The following RRP12 variants were observed in gnomAD, a reference collection of about 807,000 sequenced individuals.
The protein encoded by RRP12 is RRP12-like protein.
Under a neutral mutation model 157.3 loss-of-function variants are expected in RRP12, and 78 were observed. The ratio of observed to expected loss-of-function variants is 0.50; its 90% CI spans 0.41 to 0.60. The LOEUF is 0.60. Among genes scored for constraint, RRP12 ranks in the 20% least tolerant of loss-of-function variants. The pLI is 0.00. For missense variants in RRP12, 1,521 were observed against 1,679.9 expected, an observed-to-expected ratio of 0.91 and a Z score of 1.65; for synonymous variants, 726 against 670.9, an observed-to-expected ratio of 1.08 and a Z score of -1.27.
intron 15 of RRP12, among the ~76,000 whole-genome samples, chr10:97,376,926 C>G (rs1405028148): frequency 6.7e-6 from 1 of 149,888 alleles, no homozygotes; most frequent in Middle Eastern, 3.2e-3. Context: ...GTTGCCCAGG[C>G]TGGAGTGAAG....
intron 10 of RRP12, among the ~76,000 whole-genome samples, chr10:97,382,183 TAAC>T (rs939920507): frequency 2.3e-5 from 3 of 128,996 alleles, no homozygotes; most frequent in African/African-American, 9.6e-5. Context: ...TAACTTCTGC[TAAC>T]TTTTTTTTTT....
At chr10:97,365,607 T>G in intron 29 of RRP12, among the ~76,000 whole-genome samples, 2 of 151,514 alleles carry the variant, frequency 1.3e-5, no homozygotes, top group East Asian at 1.9e-4. Context: ...TGGCTGGATA[T>G]GTGGAGAGGG....
At chr10:97,401,362 T>C (rs752646021), upstream of RRP12, 2 of 1,181,924 alleles carry the variant, frequency 1.7e-6, no homozygotes, top group Non-Finnish European at 2.4e-6. Context: ...CGGATTCGTG[T>C]GCATTACTAT....
At chr10:97,387,194 T>C (rs1489831318) in intron 8 of RRP12, among the ~76,000 whole-genome samples, 2 of 152,132 alleles carry the variant, frequency 1.3e-5, no homozygotes, top group Non-Finnish European at 2.9e-5. Flanking sequence ...ATATAAATGC[T>C]ATGTAAATAG....
rs762434583 is a variant in RRP12, at chr10:97,366,890, G to A, written c.3067C>T (p.Leu1023=). 30 of 1,613,708 alleles carry A rather than the reference G, an allele frequency of 1.9e-5. No individual in the cohort carries two copies. The highest frequency in any genetic ancestry group is 2.4e-5 in the Non-Finnish European group (28 of 1,179,866). The part of the protein sequence containing the change: ...RKFGFELVKR[L]LPEEYHRVLV... ...ACTCTGTGGTACTCCTCGGGCAACA[G>A]CCTTTTCACCAGCTCAAATCTGGAG... is the stretch of plus-strand genomic sequence containing the variant. Residue 1023 remains leucine, a synonymous_variant, in exon 27 of 34, where the codon CTG becomes TTG. Transcript: ENST00000370992.
At chr10:97,399,251 CAA>C (rs949722076) in intron 2 of RRP12, among the ~76,000 whole-genome samples, 19 of 152,188 alleles carry the variant, frequency 1.2e-4, no homozygotes, top group Non-Finnish European at 2.2e-4. Flanking sequence ...CTAGCCTGGA[CAA>C]CAAGAGCGAA....
At chr10:97,376,971 C>G (rs1052922847) in intron 15 of RRP12, among the ~76,000 whole-genome samples, 2 of 151,772 alleles carry the variant, frequency 1.3e-5, no homozygotes, top group South Asian at 2.1e-4. Context: ...CCTCCGCCCC[C>G]CAGAGTCCAA....
chr10:97,393,709 A>G lies in RRP12; in HGVS notation c.505T>C (p.Tyr169His). The G allele has an allele frequency of 1.2e-6, 2 of 1,614,100 alleles. No homozygotes were observed. Among genetic ancestry groups the G allele is most frequent in the Non-Finnish European group, 1.7e-6 (2 of 1,179,996 alleles). ...CGCTTCAGGACAAGGTTCAGCAGGT[A>G]AGCAACGGCGGCCAGGGACTCCGGG... ...ESPESLAAVA[Y>H]LLNLVLKRVP... is the part of the protein sequence containing the mutation. Residue 169 changes from tyrosine to histidine, a missense_variant, in exon 4 of 34, where the codon TAC becomes CAC. Physicochemically the swap from Tyr to His is moderately conservative, Grantham distance 83 (BLOSUM62 2). Transcript: ENST00000370992.
Position 97,367,429 on chromosome 10 carries a change from C to A in RRP12, c.2956-297G>T, listed in dbSNP as rs145243220. The A allele has an allele frequency of 2.1e-3, 951 of 447,382 alleles. 6 individuals are homozygous for A. In the Middle Eastern group the frequency reaches 0.024, roughly 11 times the overall value. The allele number at this position is 447,382 out of a possible 1,614,324, so 27.7% of individuals were successfully genotyped here. On this transcript the variant is annotated intron_variant, in intron 25 of 33. Transcript: ENST00000370992. ...ATCCTCTCCTTGAATCCTTGGACTA[C>A]CCCTGAGATACATGCTATCACCCCC... is the stretch of plus-strand genomic sequence containing the variant.
rs1277775585 is a variant in RRP12, at chr10:97,366,137, T to G, written c.3488A>C (p.Asn1163Thr). The G allele has an allele frequency of 4.4e-6, 7 of 1,605,766 alleles. No individual in the cohort carries two copies. Among genetic ancestry groups the G allele is most frequent in the Non-Finnish European group, 5.9e-6 (7 of 1,179,844 alleles). The change falls in exon 29 of 34, where the codon AAC becomes ACC. Residue 1163 changes from asparagine to threonine, a missense_variant. Asn to Thr is a moderately conservative substitution (Grantham distance 65, BLOSUM62 0). Transcript: ENST00000370992. ...RLIIREEADG[N>T]KMEEEEGAKG... is the part of the protein sequence containing the mutation. ...GGCACCTTCCTCTTCCTCCATCTTG[T>G]TGCCGTCTGCCTCCTCCCTTATGAT...
At chr10:97,381,322 G>A (rs568363685) in intron 12 of RRP12, 64 bp downstream of exon 12, 14 of 1,191,122 alleles carry the variant, frequency 1.2e-5, no homozygotes, top group Admixed American at 6.9e-5. Flanking sequence ...TGGAGCATTC[G>A]TATTATATAG....
At chr10:97,395,207 T>TACACACACACAC (rs1554882670) in intron 3 of RRP12, among the ~76,000 whole-genome samples, 23 of 149,970 alleles carry the variant, frequency 1.5e-4, no homozygotes, top group African/African-American at 4.4e-4. Context: ...TATACACATA[T>TACACACACACAC]ACACACACAC....
At chr10:97,372,192 A>G in intron 19 of RRP12, 26 bp from the exon 20 acceptor site, 1 of 1,586,682 alleles carries the variant, frequency 6.3e-7, no homozygotes, top group Non-Finnish European at 8.6e-7. Flanking sequence ...GGACAAGGAG[A>G]GGGATGGGGA....
At position 97,358,490 on chromosome 10, in the gene RRP12, T is replaced by A. The variant is rs764284070; in HGVS notation, c.3791+47A>T. ...TTCTTTAGAGCACTCTGCTCCCTCATCCCCACCCATCCTCCAGCCCCCAGC... is the reference window on the plus strand; with the variant it reads ...TTCTTTAGAGCACTCTGCTCCCTCAACCCCACCCATCCTCCAGCCCCCAGC... On this transcript the variant is annotated intron_variant, in intron 33 of 33. Transcript: ENST00000370992. 2.8e-6 allele frequency: 4 copies of A among 1,410,924 alleles called. No individual in the cohort carries two copies. In the Admixed American group the frequency reaches 6.7e-5, roughly 24 times the overall value. The allele number at this position is 1,410,924 out of a possible 1,614,324, so 87.4% of individuals were successfully genotyped here. A position where few individuals can be genotyped will look rare whatever the true frequency, so the allele number is the denominator to read the frequency against.
chr10:97,401,111 A>G lies in RRP12; in HGVS notation c.121T>C (p.Phe41Leu), dbSNP rs1198966604. ...CAGCTACCTGACGGCCGGCTGAAGA[A>G]GCGGCTGCGGGCGGCCTGACGGTGG... ...CRHRQAARSRFFSRPSGRSDL... is the reference protein window; with the variant it reads ...CRHRQAARSRLFSRPSGRSDL... Residue 41 changes from phenylalanine to leucine, a missense_variant, in exon 1 of 34, where the codon TTC (phenylalanine) becomes CTC (leucine). Physicochemically the swap from Phe to Leu is conservative, Grantham distance 22. Transcript: ENST00000370992. 13 of 1,613,666 alleles carry G rather than the reference A, an allele frequency of 8.1e-6. No homozygotes were observed. In the South Asian group the frequency reaches 1.3e-4, roughly 16 times the overall value.
intron 3 of RRP12, among the ~76,000 whole-genome samples, chr10:97,394,751 T>C (rs1844907891): frequency 6.6e-6 from 1 of 152,242 alleles, no homozygotes; most frequent in South Asian, 2.1e-4. Context: ...GGCAAACTTT[T>C]TCTACGAAGG....
In RRP12 at chr10:97,366,107, C is replaced by T; in HGVS notation, c.3517+1G>A. On this transcript the variant is annotated splice_donor_variant, in intron 29 of 33. Coordinates refer to ENST00000370992, the MANE Select transcript of RRP12 (RefSeq NM_015179.4). LOFTEE classifies it high-confidence loss of function. ...TGAATGGACAAGCGCGTTGGGCCCA[C>T]CTTTGGCACCTTCCTCTTCCTCCAT... 1 of 1,602,326 alleles carries T rather than the reference C, an allele frequency of 6.2e-7. No homozygotes were observed.
intron 20 of RRP12, chr10:97,371,395 G>A: frequency 2.7e-6 from 1 of 375,306 alleles, no homozygotes; most frequent in East Asian, 4.7e-5. Flanking sequence ...TCTAGCCGGA[G>A]CACTCTTCTC....
intron 15 of RRP12, among the ~76,000 whole-genome samples, chr10:97,378,693 C>A (rs1844377471): frequency 6.6e-6 from 1 of 152,008 alleles, no homozygotes; most frequent in Admixed American, 6.6e-5. Flanking sequence ...CCTGTCGCTA[C>A]TAAAAATACA....
Sources: gnomAD v4.1 joint callset for allele counts (sites outside exome capture counted in the v4.1 genomes callset) on GRCh38, gnomAD v4.1.1 for gene constraint, MANE v1.5 for transcripts, NCBI Gene and HGNC (gene_info 2026-07-23, HGNC 2026-07-21) for gene names.